RCHY1: variants seen among roughly 807,000 people sequenced by gnomAD.
RCHY1 encodes ring finger and CHY zinc finger domain containing 1.
Under a neutral mutation model 41.6 loss-of-function variants are expected in RCHY1, and 21 were observed. The ratio of observed to expected loss-of-function variants is 0.51; its 90% CI spans 0.36 to 0.73. RCHY1 has a LOEUF of 0.73. Among genes scored for constraint, RCHY1 ranks in the 30% least tolerant of loss-of-function variants. The pLI is 0.00. For missense variants in RCHY1, 265 were observed against 325.3 expected (o/e 0.81, Z 1.43); for synonymous variants, 79 against 102.9 (o/e 0.77, Z 1.41).
chr4:75,514,361 C>G lies in RCHY1; in HGVS notation c.-75G>C. The G allele has an allele frequency of 1.3e-6, 2 of 1,501,540 alleles. No individual in the cohort carries two copies. Among genetic ancestry groups the G allele is most frequent in the Non-Finnish European group, 1.8e-6 (2 of 1,104,642 alleles). The allele number at this position is 1,501,540 out of a possible 1,614,324, so 93.0% of individuals were successfully genotyped here. ...CCACGCCCAGAGAAGCTGCGCCTCT[C>G]TAGCACACCCCTCCCAGCCCCAGCG... On this transcript the variant is annotated 5_prime_UTR_variant, in exon 1 of 9. Coordinates refer to ENST00000324439, the MANE Select transcript of RCHY1 (RefSeq NM_015436.4).
chr4:75,489,781 C>A (rs1722585115), intron 8 of RCHY1, among the ~76,000 whole-genome samples: 1 of 152,124 alleles, frequency 6.6e-6, no homozygotes, highest in Admixed American at 6.5e-5. Flanking sequence ...AACAATCAAA[C>A]CCTTCACAAT....
At chr4:75,508,528 A>G (rs1724555818) in intron 3 of RCHY1, among the ~76,000 whole-genome samples, 1 of 152,168 alleles carries the variant, frequency 6.6e-6, no homozygotes, top group Admixed American at 6.5e-5. Flanking sequence ...AACACTTTAT[A>G]TAAAACATAT....
intron 8 of RCHY1, among the ~76,000 whole-genome samples, chr4:75,484,934 A>G (rs957908029): frequency 3.9e-5 from 6 of 152,180 alleles, no homozygotes; most frequent in African/African-American, 1.4e-4. Context: ...AAGAATGCCT[A>G]TTGAGTGAAG....
intron 3 of RCHY1, among the ~76,000 whole-genome samples, chr4:75,505,149 C>T (rs902723576): frequency 6.6e-6 from 1 of 152,142 alleles, no homozygotes; most frequent in Non-Finnish European, 1.5e-5. Flanking sequence ...AGTACACAAC[C>T]TAGATCCCTT....
At chr4:75,491,388 T>C (rs1722736452) in intron 7 of RCHY1, 2 of 402,956 alleles carry the variant, frequency 5.0e-6, no homozygotes, top group African/African-American at 2.1e-5. Context: ...CTACCTCAAA[T>C]TGTGGGAGGA....
chr4:75,488,325 G>C (rs1326123626), intron 8 of RCHY1, among the ~76,000 whole-genome samples: 2 of 152,000 alleles, frequency 1.3e-5, no homozygotes, highest in African/African-American at 2.4e-5. Flanking sequence ...GCTTAATTCT[G>C]ATGCAGTTTC....
At chr4:75,512,464 T>TTG (rs751059640) in intron 1 of RCHY1, among the ~76,000 whole-genome samples, 1 of 152,188 alleles carries the variant, frequency 6.6e-6, no homozygotes, top group Non-Finnish European at 1.5e-5. Flanking sequence ...ACTCCTTCAC[T>TTG]TGTGCACTGG....
At chr4:75,502,691 T>C (rs550812228) in intron 3 of RCHY1, among the ~76,000 whole-genome samples, 1 of 152,362 alleles carries the variant, frequency 6.6e-6, no homozygotes, top group Middle Eastern at 3.4e-3. Flanking sequence ...TTATTTTTCC[T>C]AATTTTGGTA....
chr4:75,491,863 C>A lies in RCHY1; in HGVS notation c.450+26G>T, dbSNP rs1433489296. The A allele has an allele frequency of 1.9e-6, 3 of 1,605,662 alleles. No homozygotes were observed. The African/African-American group carries it at 4.0e-5, about 22-fold the overall frequency. On this transcript the variant is annotated intron_variant, in intron 5 of 8. Coordinates refer to ENST00000324439, the MANE Select transcript of RCHY1 (RefSeq NM_015436.4). Reference sequence around the variant, plus strand: ...TTTTAAATTCAAGAGCTGAGACTTCCAAAGTAAAAAATATTTTAAGCCTAC... The same window carrying A: ...TTTTAAATTCAAGAGCTGAGACTTCAAAAGTAAAAAATATTTTAAGCCTAC...
intron 3 of RCHY1, among the ~76,000 whole-genome samples, chr4:75,502,408 C>T (rs1035517620): frequency 2.6e-5 from 4 of 151,788 alleles, no homozygotes; most frequent in Non-Finnish European, 2.9e-5. Flanking sequence ...GGCATAGTGG[C>T]GGGCGCCTGT....
In RCHY1 at chr4:75,508,895, T is replaced by C; in HGVS notation, c.251A>G (p.Glu84Gly). The C allele has an allele frequency of 6.2e-7, 1 of 1,611,362 alleles. No homozygotes were observed. ...CAAATGGCATATATCGCAATAATATTCTCCAAACAATGTGCTACATTCTTC... is the reference window on the plus strand; with the variant it reads ...CAAATGGCATATATCGCAATAATATCCTCCAAACAATGTGCTACATTCTTC... ...TCEECSTLFG[E>G]YYCDICHLFD... Residue 84 changes from glutamate to glycine, a missense_variant, in exon 3 of 9, where the codon GAA (glutamate) becomes GGA (glycine). Coordinates refer to ENST00000324439, the MANE Select transcript of RCHY1 (RefSeq NM_015436.4).
chr4:75,494,186 A>G lies in RCHY1; in HGVS notation c.327-7T>C. 6.5e-7 allele frequency: 1 copy of G among 1,540,484 alleles called. No homozygotes were observed. Among genetic ancestry groups the G allele is most frequent in the Non-Finnish European group, 8.8e-7 (1 of 1,137,944 alleles). ...ATCTTCCTTTGGACCAATCCTAGCA[A>G]AACACATGAAAGCCAAAAGATTAGA... On this transcript the variant is annotated splice_polypyrimidine_tract_variant and splice_region_variant and intron_variant, in intron 3 of 8. Coordinates refer to ENST00000324439, the MANE Select transcript of RCHY1 (RefSeq NM_015436.4).
chr4:75,491,785 G>A lies in RCHY1; in HGVS notation c.451-3C>T. On this transcript the variant is annotated splice_polypyrimidine_tract_variant and splice_region_variant and intron_variant, in intron 5 of 8. Transcript: ENST00000324439. ...ACAACACGGGATGTGTGAATGTCCT[G>A]TAAATGAAATAAATGTTAGTGCTTG... 1 of 1,612,538 alleles carries A rather than the reference G, an allele frequency of 6.2e-7. No homozygotes were observed. The highest frequency in any genetic ancestry group is 1.1e-5 in the South Asian group (1 of 90,878).
chr4:75,488,127 C>T (rs1722412768), intron 8 of RCHY1, among the ~76,000 whole-genome samples: 1 of 151,074 alleles, frequency 6.6e-6, no homozygotes, highest in African/African-American at 2.4e-5. Context: ...TGATATTTAA[C>T]CTTTGTGTTA....
chr4:75,492,768 A>C (rs539444636), intron 4 of RCHY1, among the ~76,000 whole-genome samples: 3 of 152,022 alleles, frequency 2.0e-5, no homozygotes, highest in Admixed American at 1.3e-4. Context: ...GGGGAGAAAA[A>C]CCCTCAAAAT....
intron 8 of RCHY1, among the ~76,000 whole-genome samples, chr4:75,483,400 T>A (rs553948606): frequency 6.6e-6 from 1 of 152,268 alleles, no homozygotes; most frequent in East Asian, 1.9e-4. Context: ...AAAAATATGA[T>A]CTAAATGGAG....
intron 1 of RCHY1, chr4:75,509,767 T>C (rs1042956087): frequency 5.7e-6 from 1 of 174,370 alleles, no homozygotes; most frequent in Admixed American, 6.2e-5. Context: ...AGTTTCCACT[T>C]TTGCTTCTTC....
chr4:75,487,642 C>CATATATATTCATAAT (rs1722251406), intron 8 of RCHY1, among the ~76,000 whole-genome samples: 1 of 8,892 alleles, frequency 1.1e-4, no homozygotes, highest in Non-Finnish European at 2.3e-4. Flanking sequence ...TATATATATT[C>CATATATATTCATAAT]ATATATATTC....
chr4:75,482,138 GC>G lies in RCHY1; in HGVS notation c.*399del, dbSNP rs1236645914. The G allele has an allele frequency of 6.5e-6, 1 of 152,872 alleles. No homozygotes were observed. The highest frequency in any genetic ancestry group is 1.5e-5 in the Non-Finnish European group (1 of 68,564). The allele number at this position is 152,872 out of a possible 1,614,324, so 9.5% of individuals were successfully genotyped here. ...GTAAGGGAGAACTTAATATAACACA[GC>G]CCTTAAAAAGTCAAGACTACTACTG... On this transcript the variant is annotated 3_prime_UTR_variant, in exon 9 of 9. Coordinates refer to ENST00000324439, the MANE Select transcript of RCHY1 (RefSeq NM_015436.4).
Sources: gnomAD v4.1 joint callset for allele counts (sites outside exome capture counted in the v4.1 genomes callset) on GRCh38, gnomAD v4.1.1 for gene constraint, MANE v1.5 for transcripts, NCBI Gene and HGNC (gene_info 2026-07-23, HGNC 2026-07-21) for gene names.